Variants in PDE4B observed in about 807,000 individuals in gnomAD.
PDE4B encodes the protein phosphodiesterase 4B, also known as 3',5'-cyclic-AMP phosphodiesterase 4B.
Under a neutral mutation model 82.2 loss-of-function variants are expected in PDE4B, and 20 were observed. The ratio of observed to expected loss-of-function variants is 0.24; its 90% CI spans 0.17 to 0.35. The LOEUF is 0.35. PDE4B is among the 10% of genes least tolerant of loss of function. PDE4B has a pLI of 1.00. For missense variants in PDE4B, 655 were observed against 907.2 expected (o/e 0.72, Z 3.57); for synonymous variants, 320 against 318.9 (o/e 1.00, Z -0.04).
intron 1 of PDE4B, among the ~76,000 whole-genome samples, chr1:65,847,453 C>T (rs1314784140): frequency 6.6e-6 from 1 of 152,202 alleles, no homozygotes; most frequent in Non-Finnish European, 1.5e-5. Flanking sequence ...AACATATGAG[C>T]AGATTGGATG....
intron 1 of PDE4B, among the ~76,000 whole-genome samples, chr1:65,857,629 C>CTATGT (rs1490196768): frequency 6.6e-6 from 1 of 152,164 alleles, no homozygotes; most frequent in Admixed American, 6.6e-5. Flanking sequence ...TGAATTCAGG[C>CTATGT]TGGACAACAT....
At chr1:65,875,187 A>G (rs1295658649) in intron 1 of PDE4B, among the ~76,000 whole-genome samples, 1 of 152,056 alleles carries the variant, frequency 6.6e-6, no homozygotes, top group Non-Finnish European at 1.5e-5. Context: ...GCAGCCAAAA[A>G]ACACATGAAA....
At chr1:66,099,189 G>A (rs1297288722) in intron 3 of PDE4B, among the ~76,000 whole-genome samples, 1 of 144,350 alleles carries the variant, frequency 6.9e-6, no homozygotes, top group African/African-American at 2.5e-5. Flanking sequence ...TCATGGTTCA[G>A]CTCCAACTTA....
chr1:66,264,628 G>A (rs1233186487), intron 6 of PDE4B, among the ~76,000 whole-genome samples: 1 of 152,150 alleles, frequency 6.6e-6, no homozygotes. Context: ...CACCCAGCTA[G>A]TAAATTAATG....
Position 65,924,077 on chromosome 1 carries a change from A to ATTTTTTTTTCTTTTTTT in PDE4B, c.281+5251_281+5252insCTTTTTTTTTTTTTTTT. Reference sequence around the variant, plus strand: ...TTCTAATCTGCCTTCCAGTTTGCTAATTTTTTTTTTTTTTTGAGACGGAGT... The same window carrying ATTTTTTTTTCTTTTTTT: ...TTCTAATCTGCCTTCCAGTTTGCTAATTTTTTTTTCTTTTTTTTTTTTTTTTTTTTTTGAGACGGAGT... On this transcript the variant is annotated intron_variant, in intron 3 of 16. Coordinates refer to ENST00000341517, the MANE Select transcript of PDE4B (RefSeq NM_002600.4). Among the ~76,000 whole-genome samples the ATTTTTTTTTCTTTTTTT allele has an allele frequency of 4.9e-5, 2 of 40,788 alleles. 1 individual carries two copies. Among genetic ancestry groups the ATTTTTTTTTCTTTTTTT allele is most frequent in the Non-Finnish European group, 1.0e-4 (2 of 19,266 alleles). The allele number at this position is 40,788 out of a possible 152,430, so 26.8% of individuals were successfully genotyped here.
intron 3 of PDE4B, among the ~76,000 whole-genome samples, chr1:66,053,415 A>T (rs1321738102): frequency 6.6e-6 from 1 of 152,194 alleles, no homozygotes; most frequent in African/African-American, 2.4e-5. Flanking sequence ...CATGTCCCAG[A>T]CATGTTCTAG....
intron 2 of PDE4B, among the ~76,000 whole-genome samples, chr1:65,914,759 A>T (rs1427237099): frequency 6.6e-6 from 1 of 152,146 alleles, no homozygotes; most frequent in African/African-American, 2.4e-5. Flanking sequence ...AATAATCCTG[A>T]TCCTCCCTGA....
intron 1 of PDE4B, among the ~76,000 whole-genome samples, chr1:65,856,231 G>A (rs1048353792): frequency 4.6e-5 from 7 of 152,080 alleles, no homozygotes; most frequent in African/African-American, 1.7e-4. Flanking sequence ...GGATACATGG[G>A]CAGAACGTGC....
At chr1:65,973,743 A>G (rs1252569048) in intron 3 of PDE4B, among the ~76,000 whole-genome samples, 1 of 152,168 alleles carries the variant, frequency 6.6e-6, no homozygotes, top group Non-Finnish European at 1.5e-5. Context: ...AATAAATCTT[A>G]AAGAATTCTA....
At chr1:65,903,598 T>C (rs1569624143) in intron 1 of PDE4B, among the ~76,000 whole-genome samples, 1 of 151,972 alleles carries the variant, frequency 6.6e-6, no homozygotes, top group Admixed American at 6.6e-5. Context: ...TTTTAAAAAA[T>C]TTAAAAAAAC....
At chr1:66,352,433 T>C (rs1488162508) in intron 8 of PDE4B, among the ~76,000 whole-genome samples, 2 of 152,178 alleles carry the variant, frequency 1.3e-5, no homozygotes, top group Admixed American at 1.3e-4. Flanking sequence ...CCTCCCTGAT[T>C]CCATATTGAA....
chr1:65,874,492 T>C (rs1646614776), intron 1 of PDE4B, among the ~76,000 whole-genome samples: 1 of 152,126 alleles, frequency 6.6e-6, no homozygotes. Flanking sequence ...CCCTGTCTTG[T>C]GCCAGTTTTC....
At chr1:65,805,430 T>C (rs1384410664) in intron 1 of PDE4B, among the ~76,000 whole-genome samples, 2 of 152,210 alleles carry the variant, frequency 1.3e-5, no homozygotes, top group African/African-American at 4.8e-5. Context: ...TGGCCAAACC[T>C]AATTGAAAGA....
At chr1:66,056,516 CTATCTATCTATCTATCATCT>C (rs1244926961) in intron 3 of PDE4B, among the ~76,000 whole-genome samples, 23 of 73,686 alleles carry the variant, frequency 3.1e-4, no homozygotes, top group South Asian at 2.5e-3. Context: ...ATCTATCTAT[CTATCTATCTATCTATCATCT>C]ATCTATCTAT....
intron 3 of PDE4B, among the ~76,000 whole-genome samples, chr1:65,929,027 G>A (rs1431888417): frequency 1.3e-5 from 2 of 152,092 alleles, no homozygotes; most frequent in Non-Finnish European, 2.9e-5. Context: ...TTATATAAAT[G>A]AGAAAACTCA....
chr1:66,257,027 G>A (rs1157286508), intron 4 of PDE4B, among the ~76,000 whole-genome samples: 1 of 152,168 alleles, frequency 6.6e-6, no homozygotes, highest in African/African-American at 2.4e-5. Flanking sequence ...ACTAGGTACA[G>A]CTTAATCTGT....
intron 3 of PDE4B, among the ~76,000 whole-genome samples, chr1:65,973,238 G>T (rs189736064): frequency 5.9e-5 from 9 of 152,158 alleles, no homozygotes; most frequent in South Asian, 2.1e-4. Context: ...AATGAATGTA[G>T]ATTTACTAAT....
intron 3 of PDE4B, among the ~76,000 whole-genome samples, chr1:66,146,171 T>C (rs1250126835): frequency 2.9e-5 from 4 of 136,084 alleles, no homozygotes; most frequent in Non-Finnish European, 4.7e-5. Flanking sequence ...CTGGGTAGCA[T>C]GCTTTTTTTT....
In PDE4B at chr1:65,900,523, T is replaced by C. The variant is rs552702934; in HGVS notation, c.-70-12722T>C. Among the ~76,000 whole-genome samples the C allele has an allele frequency of 6.6e-5, 10 of 152,212 alleles. No individual in the cohort carries two copies. In the South Asian group the frequency reaches 2.1e-3, roughly 32 times the overall value. On this transcript the variant is annotated intron_variant, in intron 1 of 16. Coordinates refer to ENST00000341517, the MANE Select transcript of PDE4B (RefSeq NM_002600.4). The stretch of plus-strand genomic sequence containing the variant: ...GATGTTAGTTTGACAGGAATAGCAC[T>C]GAATTTATAGATTGCTTTGGGCATT...
Sources: gnomAD v4.1 joint callset for allele counts (sites outside exome capture counted in the v4.1 genomes callset) on GRCh38, gnomAD v4.1.1 for gene constraint, MANE v1.5 for transcripts, NCBI Gene and HGNC (gene_info 2026-07-23, HGNC 2026-07-21) for gene names.